The following CPNE8 variants were observed in gnomAD, a reference collection of about 807,000 sequenced individuals.
The protein encoded by CPNE8 is copine 8, also known as copine-8.
CPNE8 carries 45 observed loss-of-function variants against 81.5 expected under a neutral mutation model. That is an observed-to-expected ratio of 0.55 (90% confidence interval 0.44 to 0.71). The LOEUF is 0.71. Ranked by LOEUF, CPNE8 falls within the 30% of genes least tolerant of loss-of-function variation. The pLI, the probability that CPNE8 is intolerant of heterozygous loss-of-function variation, is 0.00. For missense variants in CPNE8, 594 were observed against 672.1 expected, an observed-to-expected ratio of 0.88 and a Z score of 1.28; for synonymous variants, 252 against 226.3, an observed-to-expected ratio of 1.11 and a Z score of -1.02.
intron 6 of CPNE8, among the ~76,000 whole-genome samples, chr12:38,789,460 A>T (rs1367488140): frequency 1.3e-5 from 2 of 151,946 alleles, no homozygotes; most frequent in Admixed American, 1.3e-4. Flanking sequence ...ATCAAAATGG[A>T]TTACTTAAAC....
At chr12:38,887,561 T>C (rs1297221493) in intron 1 of CPNE8, among the ~76,000 whole-genome samples, 1 of 152,184 alleles carries the variant, frequency 6.6e-6, no homozygotes, top group East Asian at 1.9e-4. Flanking sequence ...AACTTTATCT[T>C]CATGAAGTGA....
chr12:38,795,270 A>G (rs1942432063), intron 6 of CPNE8, among the ~76,000 whole-genome samples: 3 of 152,184 alleles, frequency 2.0e-5, no homozygotes, highest in Admixed American at 2.0e-4. Flanking sequence ...ATACATATAT[A>G]TCCTATTAGT....
chr12:38,670,757 C>T lies in CPNE8; in HGVS notation c.1478G>A (p.Gly493Glu). The change falls in exon 19 of 20, where the codon GGA (glycine) becomes GAA (glutamate). Residue 493 changes from glycine (G) to glutamate (E), a missense_variant. Physicochemically the swap from Gly to Glu is moderately conservative, Grantham distance 98. Coordinates refer to ENST00000331366, the MANE Select transcript of CPNE8 (RefSeq NM_153634.3). ...DGDDVRVSSR[G>E]KYAERDIVQF... is the part of the protein sequence containing the mutation. The stretch of plus-strand genomic sequence containing the variant: ...CACAATGTCTCTTTCAGCATATTTT[C>T]CTCTAGAGGAGACTCTTACATCATC... 1 of 1,609,374 alleles carries T rather than the reference C, an allele frequency of 6.2e-7. No homozygotes were observed. Among genetic ancestry groups the T allele is most frequent in the South Asian group, 1.1e-5 (1 of 90,582 alleles).
intron 13 of CPNE8, among the ~76,000 whole-genome samples, chr12:38,710,313 C>T (rs2136707969): frequency 7.9e-6 from 1 of 127,148 alleles, no homozygotes; most frequent in South Asian, 2.8e-4. Flanking sequence ...AAACTGTAAG[C>T]ACTATCCATC....
chr12:38,709,909 T>C (rs572343835), intron 13 of CPNE8, among the ~76,000 whole-genome samples: 11 of 152,284 alleles, frequency 7.2e-5, no homozygotes, highest in African/African-American at 2.4e-4. Flanking sequence ...ACTTTTGCCT[T>C]ATTTTCTATC....
intron 6 of CPNE8, among the ~76,000 whole-genome samples, chr12:38,797,267 AC>A (rs935254073): frequency 1.1e-4 from 16 of 151,988 alleles, no homozygotes; most frequent in African/African-American, 3.4e-4. Flanking sequence ...CTGACCCCTG[AC>A]CCCCGAGCAG....
intron 3 of CPNE8, among the ~76,000 whole-genome samples, chr12:38,869,860 A>C (rs1943965259): frequency 6.6e-6 from 1 of 152,186 alleles, no homozygotes; most frequent in South Asian, 2.1e-4. Flanking sequence ...TAACTCCTTC[A>C]AAAATAAAAA....
intron 6 of CPNE8, among the ~76,000 whole-genome samples, chr12:38,778,246 A>ACTT (rs1232278806): frequency 5.9e-5 from 9 of 152,262 alleles, no homozygotes; most frequent in African/African-American, 2.2e-4. Flanking sequence ...AAGGTTGGGG[A>ACTT]CTTCTGGGTT....
chr12:38,897,751 A>G (rs1026148911), intron 1 of CPNE8, among the ~76,000 whole-genome samples: 3 of 152,044 alleles, frequency 2.0e-5, no homozygotes, highest in Non-Finnish European at 4.4e-5. Flanking sequence ...TCATTTGCTC[A>G]TAGTTTGACG....
intron 11 of CPNE8, among the ~76,000 whole-genome samples, chr12:38,727,989 A>C (rs531432358): frequency 6.6e-6 from 1 of 152,314 alleles, no homozygotes; most frequent in South Asian, 2.1e-4. Context: ...CTGATCACGG[A>C]GCTAACCAAG....
intron 13 of CPNE8, among the ~76,000 whole-genome samples, chr12:38,706,930 C>T (rs1366234503): frequency 1.3e-5 from 2 of 152,136 alleles, no homozygotes; most frequent in Non-Finnish European, 2.9e-5. Flanking sequence ...TAGATGCAAA[C>T]GTCCTCTCAA....
intron 1 of CPNE8, among the ~76,000 whole-genome samples, chr12:38,875,110 A>G (rs1345913777): frequency 6.6e-6 from 1 of 152,144 alleles, no homozygotes; most frequent in Non-Finnish European, 1.5e-5. Flanking sequence ...CATTATTAGT[A>G]CTTTTTTTTC....
intron 18 of CPNE8, among the ~76,000 whole-genome samples, chr12:38,675,318 T>C (rs1421923151): frequency 6.6e-6 from 1 of 152,208 alleles, no homozygotes; most frequent in Non-Finnish European, 1.5e-5. Flanking sequence ...AACCTAATGA[T>C]TTATTAATTT....
intron 1 of CPNE8, among the ~76,000 whole-genome samples, chr12:38,899,625 A>C (rs1337018910): frequency 6.6e-6 from 1 of 152,244 alleles, no homozygotes; most frequent in African/African-American, 2.4e-5. Context: ...CTCTTCAATA[A>C]AAAGCTGAAC....
intron 1 of CPNE8, among the ~76,000 whole-genome samples, chr12:38,880,017 T>G (rs1261878455): frequency 1.3e-5 from 2 of 152,200 alleles, no homozygotes; most frequent in Non-Finnish European, 2.9e-5. Context: ...GAAATATAGT[T>G]TGTAAATAGA....
chr12:38,865,136 GA>G (rs1334157074), intron 3 of CPNE8, among the ~76,000 whole-genome samples: 1 of 152,078 alleles, frequency 6.6e-6, no homozygotes, highest in Non-Finnish European at 1.5e-5. Flanking sequence ...CCACTAACAA[GA>G]ATGGAAATAT....
At chr12:38,894,700 TC>T (rs1944363705) in intron 1 of CPNE8, among the ~76,000 whole-genome samples, 1 of 125,396 alleles carries the variant, frequency 8.0e-6, no homozygotes, top group African/African-American at 2.9e-5. Flanking sequence ...TCTCTCTCTC[TC>T]TCTCTCTCTC....
chr12:38,768,369 G>T (rs1444375756), intron 7 of CPNE8, among the ~76,000 whole-genome samples: 1 of 151,992 alleles, frequency 6.6e-6, no homozygotes, highest in Non-Finnish European at 1.5e-5. Flanking sequence ...ACCAATTTAT[G>T]TACTCAAACA....
At chr12:38,877,767 T>G (rs551234466) in intron 1 of CPNE8, among the ~76,000 whole-genome samples, 1 of 152,268 alleles carries the variant, frequency 6.6e-6, no homozygotes, top group South Asian at 2.1e-4. Context: ...GCCAATTTAA[T>G]TCTAACCTGT....
Sources: allele counts gnomAD v4.1 joint callset (sites outside exome capture counted in the v4.1 genomes callset), GRCh38; gene constraint gnomAD v4.1.1; transcripts MANE v1.5; gene names NCBI Gene and HGNC (gene_info 2026-07-23, HGNC 2026-07-21).